The following CFAP46 variants were observed in gnomAD, a reference collection of about 807,000 sequenced individuals.
CFAP46 encodes the protein cilia and flagella associated protein 46.
In CFAP46, 245 loss-of-function variants were observed where a neutral mutation model predicts 325.7. That is an observed-to-expected ratio of 0.75 (90% CI 0.68 to 0.84). CFAP46 has a LOEUF of 0.84. CFAP46 is among the 40% of genes least tolerant of loss of function. The probability of loss-of-function intolerance (pLI) is 0.00; values close to 1 mark genes in which losing one functional copy is unlikely to be tolerated. For missense variants in CFAP46, 3,346 were observed against 3,543.0 expected, an observed-to-expected ratio of 0.94 and a Z score of 1.41; for synonymous variants, 1,523 against 1,495.9, an observed-to-expected ratio of 1.02 and a Z score of -0.42.
chr10:132,864,055 CCTGCCTG>C (rs1848765477), intron 35 of CFAP46, among the ~76,000 whole-genome samples: 2 of 140,686 alleles, frequency 1.4e-5, no homozygotes, highest in East Asian at 2.2e-4. Context: ...CACCTGTCCC[CCTGCCTG>C]AGACCTGCAC....
intron 24 of CFAP46, 74 bp downstream of exon 24, chr10:132,898,885 T>C (rs1849353944): frequency 1.3e-6 from 2 of 1,515,232 alleles, no homozygotes; most frequent in African/African-American, 2.8e-5. Context: ...TCTTTGGGAG[T>C]CTCTCCGGTC....
chr10:132,851,340 G>A (rs1404648005), intron 39 of CFAP46, 35 bp from the exon 40 acceptor site: 2 of 1,593,648 alleles, frequency 1.3e-6, no homozygotes, highest in East Asian at 4.5e-5. Flanking sequence ...AAGCATGGAA[G>A]CTTCTGGTAA....
Position 132,859,127 on chromosome 10 carries a change from G to C in CFAP46, c.5319C>G (p.Asp1773Glu). 1 of 1,551,076 alleles carries C rather than the reference G, an allele frequency of 6.4e-7. No individual in the cohort carries two copies. Among genetic ancestry groups the C allele is most frequent in the Admixed American group, 2.0e-5 (1 of 51,010 alleles). Residue 1773 changes from aspartate (D) to glutamate (E), a missense_variant, in exon 38 of 58, where the codon GAC (aspartate) becomes GAG (glutamate). Coordinates refer to ENST00000368586, the MANE Select transcript of CFAP46 (RefSeq NM_001200049.3). ...GLLEIERKFI[D>E]CGCKENCVDV... ...CAACACAATTCTCTTTGCAGCCACA[G>C]TCGATAAACTTTCTCTCAATTTCCA...
intron 31 of CFAP46, among the ~76,000 whole-genome samples, chr10:132,874,748 C>T (rs965822950): frequency 2.7e-5 from 4 of 150,268 alleles, no homozygotes; most frequent in African/African-American, 4.9e-5. Flanking sequence ...AAATTATTAA[C>T]GAATAGAAAT....
At chr10:132,821,594 C>CTGA (rs1206371652) in intron 50 of CFAP46, among the ~76,000 whole-genome samples, 2 of 110,874 alleles carry the variant, frequency 1.8e-5, no homozygotes, top group Non-Finnish European at 3.5e-5. Flanking sequence ...TGTGTGTGTG[C>CTGA]TGTGTGCTGT....
intron 26 of CFAP46, among the ~76,000 whole-genome samples, 192 bp from the exon 27 acceptor site, chr10:132,885,478 T>C (rs999221885): frequency 2.7e-5 from 4 of 150,830 alleles, no homozygotes; most frequent in African/African-American, 4.9e-5. Flanking sequence ...CTATGCAGGG[T>C]TTTCAGTCCC....
At chr10:132,878,762 G>A (rs1304654522) in intron 29 of CFAP46, among the ~76,000 whole-genome samples, 1 of 152,210 alleles carries the variant, frequency 6.6e-6, no homozygotes, top group East Asian at 1.9e-4. Flanking sequence ...CCCACGGCTG[G>A]GCGGTGGCCC....
intron 50 of CFAP46, among the ~76,000 whole-genome samples, chr10:132,815,256 C>T (rs76913386): frequency 0.015 from 2,303 of 152,320 alleles, 32 homozygotes; most frequent in African/African-American, 0.018. Flanking sequence ...GATTTACAAC[C>T]TGCCCCTTTC....
At chr10:132,925,047 T>C (rs933494086) in intron 10 of CFAP46, among the ~76,000 whole-genome samples, 161 bp from the exon 11 acceptor site, 11 of 152,212 alleles carry the variant, frequency 7.2e-5, no homozygotes, top group Non-Finnish European at 1.5e-4. Flanking sequence ...AGAGTGACTC[T>C]TTCTAGGAGG....
intron 3 of CFAP46, among the ~76,000 whole-genome samples, 183 bp from the exon 4 acceptor site, chr10:132,941,243 G>A (rs568766282): frequency 4.6e-5 from 7 of 152,240 alleles, no homozygotes; most frequent in South Asian, 2.1e-4. Flanking sequence ...ACCTGCACCC[G>A]GGTTCCCGTC....
chr10:132,853,501 G>C (rs532536018), intron 39 of CFAP46, among the ~76,000 whole-genome samples: 1 of 152,216 alleles, frequency 6.6e-6, no homozygotes, highest in African/African-American at 2.4e-5. Flanking sequence ...TTTTTATCTT[G>C]TTTTGGTATC....
chr10:132,886,041 C>G lies in CFAP46; in HGVS notation c.3305-82G>C. 2.0e-6 allele frequency: 3 copies of G among 1,500,174 alleles called. No individual in the cohort carries two copies. Among genetic ancestry groups the G allele is most frequent in the Non-Finnish European group, 2.7e-6 (3 of 1,112,828 alleles). 92.9% of individuals were successfully genotyped at this position (1,500,174 alleles called of 1,614,324 possible). A position where few individuals can be genotyped will look rare whatever the true frequency, so the allele number is the denominator to read the frequency against. On this transcript the variant is annotated intron_variant, in intron 25 of 57. Coordinates refer to ENST00000368586, the MANE Select transcript of CFAP46 (RefSeq NM_001200049.3). This position sits in a 1 kb window ranked among gnomAD's most constrained non-coding sequence, Gnocchi z 5.8. Reference sequence around the variant, plus strand: ...CCTCGGACCTCCCAGACTAAGCTGCCCATCACAGTGCCCCTGAGGTGGAAC... The same window carrying G: ...CCTCGGACCTCCCAGACTAAGCTGCGCATCACAGTGCCCCTGAGGTGGAAC...
At chr10:132,864,054 CCCT>C (rs953412968) in intron 35 of CFAP46, among the ~76,000 whole-genome samples, 4 of 148,042 alleles carry the variant, frequency 2.7e-5, no homozygotes, top group Admixed American at 1.3e-4. Context: ...ACACCTGTCC[CCCT>C]GCCTGAGACC....
chr10:132,811,275 C>A (rs937917198), intron 55 of CFAP46, among the ~76,000 whole-genome samples: 3 of 152,244 alleles, frequency 2.0e-5, no homozygotes, highest in African/African-American at 7.2e-5. Flanking sequence ...TGCCGGGCAA[C>A]AGGAAGTGGT....
chr10:132,930,073 G>A lies in CFAP46; in HGVS notation c.867-269C>T, dbSNP rs112160884. On this transcript the variant is annotated intron_variant, in intron 8 of 57. Transcript: ENST00000368586. ...GTCCCTACTGGACACCCTGCTCCTC[G>A]CTCTCCAGGCTTCAGGTCATGTGCA... is the stretch of plus-strand genomic sequence containing the variant. Among the ~76,000 whole-genome samples the A allele has an allele frequency of 1.4e-4, 21 of 152,232 alleles. 1 individual carries two copies. Among genetic ancestry groups the A allele is most frequent in the African/African-American group, 2.2e-4 (9 of 41,526 alleles).
chr10:132,890,246 C>A (rs1293084431), intron 25 of CFAP46, among the ~76,000 whole-genome samples: 3 of 151,974 alleles, frequency 2.0e-5, no homozygotes, highest in African/African-American at 7.3e-5. Context: ...TCTGCCCGAG[C>A]CACGTACTGA....
chr10:132,908,003 G>A (rs1849480927), intron 22 of CFAP46, among the ~76,000 whole-genome samples: 1 of 152,252 alleles, frequency 6.6e-6, no homozygotes. Flanking sequence ...CCCAGCCTCT[G>A]AAGGCTGAGG....
At chr10:132,866,273 A>C in intron 34 of CFAP46, 102 bp from the exon 35 acceptor site, 1 of 1,242,440 alleles carries the variant, frequency 8.0e-7, no homozygotes, top group Non-Finnish European at 1.0e-6. Context: ...CCACACAGGG[A>C]GCCACACCAC....
intron 10 of CFAP46, among the ~76,000 whole-genome samples, chr10:132,925,727 G>A (rs549416446): frequency 8.5e-5 from 13 of 152,376 alleles, no homozygotes; most frequent in African/African-American, 1.4e-4. Context: ...AGTCCACAGC[G>A]GCATCGGCAC....
Sources: gnomAD v4.1 joint callset for allele counts (sites outside exome capture counted in the v4.1 genomes callset) on GRCh38, gnomAD v4.1.1 for gene constraint, Gnocchi (gnomAD v3.1) non-coding constraint, MANE v1.5 for transcripts, NCBI Gene and HGNC (gene_info 2026-07-23, HGNC 2026-07-21) for gene names.